The following AGBL1 variants were observed in gnomAD, a reference collection of about 807,000 sequenced individuals.
AGBL1 encodes the protein AGBL carboxypeptidase 1.
In AGBL1, 130 loss-of-function variants were observed where a neutral mutation model predicts 118.9. The observed-to-expected ratio is 1.09, with a 90% CI of 0.95 to 1.26. AGBL1 has a LOEUF of 1.26. Ranked by LOEUF, AGBL1 falls within the 50% of genes most tolerant of loss-of-function variation. The pLI is 0.00. For missense variants in AGBL1, 1,584 were observed against 1,298.1 expected (o/e 1.22, Z -3.38); for synonymous variants, 555 against 478.9 (o/e 1.16, Z -2.08).
intron 5 of AGBL1, among the ~76,000 whole-genome samples, chr15:86,222,149 A>T (rs1055039939): frequency 6.6e-6 from 1 of 152,064 alleles, no homozygotes; most frequent in African/African-American, 2.4e-5. Flanking sequence ...TTCCTCTCCG[A>T]TATCACCTGC....
At chr15:86,437,341 C>A (rs1207909256) in intron 18 of AGBL1, among the ~76,000 whole-genome samples, 1 of 152,072 alleles carries the variant, frequency 6.6e-6, no homozygotes, top group East Asian at 1.9e-4. Context: ...TTCTTCTCTC[C>A]AATAGAGAAA....
At chr15:86,444,732 A>G (rs1293103461) in intron 18 of AGBL1, among the ~76,000 whole-genome samples, 1 of 152,158 alleles carries the variant, frequency 6.6e-6, no homozygotes, top group Non-Finnish European at 1.5e-5. Context: ...CCTCACACCT[A>G]AAAGCCAGCC....
At position 86,836,737 on chromosome 15, in the gene AGBL1, T is replaced by G. The variant is rs533120058; in HGVS notation, c.3159-70350T>G. On this transcript the variant is annotated intron_variant, in intron 22 of 22. Transcript: ENST00000614907. Reference sequence around the variant, plus strand: ...CACATGTTCCAGTCATACTAGTGTTTGTTCTCTTGTTTAGTGCCTTAATCT... The same window carrying G: ...CACATGTTCCAGTCATACTAGTGTTGGTTCTCTTGTTTAGTGCCTTAATCT... Among the ~76,000 whole-genome samples the G allele has an allele frequency of 1.7e-3, 261 of 152,284 alleles. 1 individual carries two copies. The highest frequency in any genetic ancestry group is 5.8e-3 in the African/African-American group (243 of 41,562).
rs563427293 is a variant in AGBL1, at chr15:86,840,224, CTT to C, written c.3159-66862_3159-66861del. 1.3e-3 allele frequency among the ~76,000 whole-genome samples: 205 copies of C among 152,264 alleles called. 1 individual carries two copies. The highest frequency in any genetic ancestry group is 4.7e-3 in the African/African-American group (194 of 41,548). ...TTTTGGTTGTTGTTTTCTTCTCTCT[CTT>C]AACACTTTAACTAGAGTTAAGCAGT... On this transcript the variant is annotated intron_variant, in intron 22 of 22. Coordinates refer to ENST00000614907, the MANE Select transcript of AGBL1 (RefSeq NM_001386094.1).
intron 23 of AGBL1, among the ~76,000 whole-genome samples, chr15:86,936,240 ATGTGTG>A (rs767265459): frequency 1.5e-5 from 2 of 134,032 alleles, no homozygotes; most frequent in African/African-American, 5.9e-5. Context: ...GTGTGTATGT[ATGTGTG>A]TGTGTGTGTG....
At chr15:86,860,252 T>G (rs2079542576) in intron 22 of AGBL1, among the ~76,000 whole-genome samples, 1 of 152,064 alleles carries the variant, frequency 6.6e-6, no homozygotes, top group South Asian at 2.1e-4. Context: ...GACGCATGCA[T>G]GGCTCTGAGT....
At chr15:86,592,922 C>G (rs1433127189) in intron 21 of AGBL1, among the ~76,000 whole-genome samples, 1 of 152,160 alleles carries the variant, frequency 6.6e-6, no homozygotes, top group Non-Finnish European at 1.5e-5. Flanking sequence ...TAGCTACCTG[C>G]TCTAACAAAA....
chr15:86,151,399 A>C (rs2077108537), intron 3 of AGBL1, among the ~76,000 whole-genome samples: 1 of 152,172 alleles, frequency 6.6e-6, no homozygotes, highest in Non-Finnish European at 1.5e-5. Context: ...AATGTAATCC[A>C]TCACATAAAC....
chr15:86,645,064 A>C (rs1430528353), intron 21 of AGBL1, among the ~76,000 whole-genome samples: 1 of 152,056 alleles, frequency 6.6e-6, no homozygotes, highest in Admixed American at 6.6e-5. Flanking sequence ...AAAAAGGAGA[A>C]GCTTTGATGA....
At chr15:86,766,867 A>C (rs1011821817) in intron 22 of AGBL1, among the ~76,000 whole-genome samples, 4 of 151,794 alleles carry the variant, frequency 2.6e-5, no homozygotes, top group Non-Finnish European at 5.9e-5. Context: ...ACACACACAC[A>C]CACCCCTCTG....
chr15:86,394,477 T>C (rs2081334629), intron 17 of AGBL1, among the ~76,000 whole-genome samples: 1 of 152,122 alleles, frequency 6.6e-6, no homozygotes, highest in Non-Finnish European at 1.5e-5. Flanking sequence ...GTAATATTAT[T>C]ATAAGGATGA....
At chr15:86,118,319 G>T (rs765433870) in intron 1 of AGBL1, among the ~76,000 whole-genome samples, 3 of 152,156 alleles carry the variant, frequency 2.0e-5, no homozygotes, top group Non-Finnish European at 2.9e-5. Flanking sequence ...CAAATTGGCA[G>T]GTAGGATTTC....
chr15:86,759,431 G>A (rs1251155071), intron 22 of AGBL1, among the ~76,000 whole-genome samples: 1 of 152,078 alleles, frequency 6.6e-6, no homozygotes, highest in Non-Finnish European at 1.5e-5. Flanking sequence ...AGTTGAAAAG[G>A]CTTAAACAAG....
rs188694712 is a variant in AGBL1 at position 86,705,951 on chromosome 15, C to G, written c.3158+31515C>G. Reference sequence around the variant, plus strand: ...TGCAAATGGAATACTGAAACCATCTCTCTTACTTCATCTTTTGGAAAAAAA... The same window carrying G: ...TGCAAATGGAATACTGAAACCATCTGTCTTACTTCATCTTTTGGAAAAAAA... On this transcript the variant is annotated intron_variant, in intron 22 of 22. Coordinates refer to ENST00000614907, the MANE Select transcript of AGBL1 (RefSeq NM_001386094.1). Among the ~76,000 whole-genome samples, 159 of 149,508 alleles carry G rather than the reference C, an allele frequency of 1.1e-3. 1 individual carries two copies. Among genetic ancestry groups the G allele is most frequent in the African/African-American group, 3.3e-3 (132 of 40,188 alleles).
intron 21 of AGBL1, among the ~76,000 whole-genome samples, chr15:86,650,486 C>A (rs1375802473): frequency 6.6e-6 from 1 of 152,130 alleles, no homozygotes; most frequent in Non-Finnish European, 1.5e-5. Context: ...GTGGTTTTTT[C>A]TGGGCCTCAC....
chr15:86,689,551 A>G (rs1172479803), intron 22 of AGBL1, among the ~76,000 whole-genome samples: 2 of 152,174 alleles, frequency 1.3e-5, no homozygotes, highest in East Asian at 3.9e-4. Flanking sequence ...TACGGGCTAA[A>G]TAACAGTATA....
chr15:86,518,084 G>C (rs1358195867), intron 18 of AGBL1, among the ~76,000 whole-genome samples: 1 of 152,162 alleles, frequency 6.6e-6, no homozygotes, highest in Non-Finnish European at 1.5e-5. Context: ...CATTCAGTCT[G>C]ATGGGCTCTA....
At chr15:86,172,492 A>T (rs1479219111) in intron 5 of AGBL1, among the ~76,000 whole-genome samples, 2 of 152,064 alleles carry the variant, frequency 1.3e-5, no homozygotes, top group African/African-American at 4.8e-5. Flanking sequence ...ACATTAACCG[A>T]TTTCTCTTCT....
At chr15:86,190,549 T>C (rs932101250) in intron 5 of AGBL1, among the ~76,000 whole-genome samples, 6 of 152,198 alleles carry the variant, frequency 3.9e-5, no homozygotes, top group Non-Finnish European at 2.9e-5. Flanking sequence ...ATGTTGGCAA[T>C]TCTCCCTAGG....
Sources: gnomAD v4.1 joint callset for allele counts (sites outside exome capture counted in the v4.1 genomes callset) on GRCh38, gnomAD v4.1.1 for gene constraint, MANE v1.5 for transcripts, NCBI Gene and HGNC (gene_info 2026-07-23, HGNC 2026-07-21) for gene names.